Variants in TGM2 observed in about 807,000 individuals in gnomAD.
TGM2 encodes the protein transglutaminase 2.
In TGM2, 53 loss-of-function variants were observed where a neutral mutation model predicts 75.6. The observed-to-expected ratio is 0.70, with a 90% CI of 0.56 to 0.88. The LOEUF (loss-of-function observed/expected upper bound fraction) is 0.88, where lower values mean the gene tolerates loss of function less well. Ranked by LOEUF, TGM2 falls within the 40% of genes least tolerant of loss-of-function variation. The probability of loss-of-function intolerance (pLI) is 0.00; values close to 1 mark genes in which losing one functional copy is unlikely to be tolerated. For missense variants in TGM2, 842 were observed against 928.5 expected, an observed-to-expected ratio of 0.91 and a Z score of 1.21; for synonymous variants, 374 against 381.1, an observed-to-expected ratio of 0.98 and a Z score of 0.22.
At position 38,165,178 on chromosome 20, in the gene TGM2, C is replaced by G. The variant is rs375507296; in HGVS notation, c.10+11G>C. 3.7e-6 allele frequency: 6 copies of G among 1,613,380 alleles called. No homozygotes were observed. The highest frequency in any genetic ancestry group is 4.2e-6 in the Non-Finnish European group (5 of 1,179,898). ...CCCCTGAGTGGCGGCTGCGGTGACTCTGATACTCACCCTCGGCCATGGTCG... is the reference window on the plus strand; with the variant it reads ...CCCCTGAGTGGCGGCTGCGGTGACTGTGATACTCACCCTCGGCCATGGTCG... On this transcript the variant is annotated intron_variant, in intron 1 of 12. Transcript: ENST00000361475.
intron 4 of TGM2, among the ~76,000 whole-genome samples, chr20:38,149,414 A>T (rs2075086706): frequency 6.6e-6 from 1 of 152,166 alleles, no homozygotes; most frequent in African/African-American, 2.4e-5. Context: ...GCGGTGGCTC[A>T]CGCCTGTAAT....
upstream of TGM2, among the ~76,000 whole-genome samples, chr20:38,168,133 C>T (rs911166268): frequency 6.6e-6 from 1 of 152,346 alleles, no homozygotes. Context: ...GCTGCCCCCA[C>T]TTCCTCTCCC....
chr20:38,139,766 C>T, intron 8 of TGM2, 112 bp from the exon 9 acceptor site: 1 of 1,422,108 alleles, frequency 7.0e-7, no homozygotes, highest in Non-Finnish European at 9.5e-7. Context: ...ACCACGCGGC[C>T]CTCTGACGGA....
rs759541794 is a variant in TGM2, at chr20:38,130,387, G to T, written c.1914-18C>A. The T allele has an allele frequency of 5.7e-6, 9 of 1,575,220 alleles. No homozygotes were observed. The highest frequency in any genetic ancestry group is 4.6e-5 in the East Asian group (2 of 43,254). The stretch of plus-strand genomic sequence containing the variant: ...GGTCTGGGCTGCAGGGAGAGAGGGG[G>T]TGGTGAGGAAAGGGGCCCAAGGCCT... On this transcript the variant is annotated intron_variant, in intron 12 of 12. Coordinates refer to ENST00000361475, the MANE Select transcript of TGM2 (RefSeq NM_004613.4).
chr20:38,154,443 C>T (rs1232412828), intron 3 of TGM2, among the ~76,000 whole-genome samples: 2 of 152,138 alleles, frequency 1.3e-5, no homozygotes, highest in Non-Finnish European at 2.9e-5. Flanking sequence ...GACTGCCTTG[C>T]TAGTTAGATG....
chr20:38,159,068 G>A (rs2075222475), intron 2 of TGM2, among the ~76,000 whole-genome samples: 1 of 152,174 alleles, frequency 6.6e-6, no homozygotes, highest in Non-Finnish European at 1.5e-5. Context: ...GGTGGAGACT[G>A]GAGGACAGAG....
intron 6 of TGM2, among the ~76,000 whole-genome samples, chr20:38,145,118 G>A (rs568521999): frequency 1.3e-5 from 2 of 152,272 alleles, no homozygotes; most frequent in South Asian, 4.1e-4. Context: ...GAGGTCACGG[G>A]GAACAGGCAG....
Position 38,138,302 on chromosome 20 carries a change from G to A in TGM2, c.1426C>T (p.Arg476Trp), listed in dbSNP as rs774425047. The A allele has an allele frequency of 9.3e-6, 15 of 1,614,040 alleles. No homozygotes were observed. Among genetic ancestry groups the A allele is most frequent in the Middle Eastern group, 1.6e-4 (1 of 6,078 alleles). ...TTCATGCTCTGGCCCACACGGATCC[G>A]CATGGCCATCCCTGTCTCCTCCTTC... ...AEKEETGMAM[R>W]IRVGQSMNMG... The change falls in exon 10 of 13, where the codon CGG becomes TGG. Residue 476 changes from arginine to tryptophan, a missense_variant. Transcript: ENST00000361475.
chr20:38,132,482 C>T lies in TGM2; in HGVS notation c.1634G>A (p.Cys545Tyr), dbSNP rs1264433584. ...EPFSEKSVPL[C>Y]ILYEKYRDCL... ...GTCACGGTATTTCTCATAGAGGATGCAAAGAGGAACGCTCTTCTCTGCAGA... is the reference window on the plus strand; with the variant it reads ...GTCACGGTATTTCTCATAGAGGATGTAAAGAGGAACGCTCTTCTCTGCAGA... The change falls in exon 11 of 13, where the codon TGC becomes TAC. Residue 545 changes from cysteine (C) to tyrosine (Y), a missense_variant. Coordinates refer to ENST00000361475, the MANE Select transcript of TGM2 (RefSeq NM_004613.4). The T allele has an allele frequency of 1.2e-6, 2 of 1,614,120 alleles. No homozygotes were observed. Among genetic ancestry groups the T allele is most frequent in the Non-Finnish European group, 1.7e-6 (2 of 1,180,022 alleles).
At chr20:38,146,600 C>G (rs759033388) in intron 6 of TGM2, 117 bp downstream of exon 6, 2 of 1,221,000 alleles carry the variant, frequency 1.6e-6, no homozygotes, top group East Asian at 4.9e-5. Flanking sequence ...CCACATAGCG[C>G]ATTGAGAGTG....
Position 38,142,215 on chromosome 20 carries a change from G to A in TGM2, c.860-16C>T. On this transcript the variant is annotated splice_polypyrimidine_tract_variant and intron_variant, in intron 6 of 12. Coordinates refer to ENST00000361475, the MANE Select transcript of TGM2 (RefSeq NM_004613.4). ...CACCTCAGCACTGTTGGAGAGGAGTGGAAAGCGGGGTGAGGTCCTGGAGAC... is the reference window on the plus strand; with the variant it reads ...CACCTCAGCACTGTTGGAGAGGAGTAGAAAGCGGGGTGAGGTCCTGGAGAC... 1 of 1,614,030 alleles carries A rather than the reference G, an allele frequency of 6.2e-7. No individual in the cohort carries two copies. The highest frequency in any genetic ancestry group is 8.5e-7 in the Non-Finnish European group (1 of 1,179,950).
rs748091369 is a variant in TGM2, at chr20:38,142,114, G to A, written c.945C>T (p.Tyr315=). The A allele has an allele frequency of 1.2e-5, 19 of 1,614,162 alleles. No homozygotes were observed. The South Asian group carries it at 1.8e-4, about 15-fold the overall frequency. ...GGATCTCCCCAAACTCATTGCGGAA[G>A]TACTCGATGAGAAGGTTGCTGTTCT... is the stretch of plus-strand genomic sequence containing the variant. ...HDQNSNLLIE[Y]FRNEFGEIQG... Residue 315 remains tyrosine (Y), a synonymous_variant, in exon 7 of 13, where the codon TAC becomes TAT. Transcript: ENST00000361475.
Position 38,161,412 on chromosome 20 carries a change from G to A in TGM2, c.190+8C>T, listed in dbSNP as rs2075250548. The A allele has an allele frequency of 6.2e-7, 1 of 1,613,652 alleles. No homozygotes were observed. Among genetic ancestry groups the A allele is most frequent in the Non-Finnish European group, 8.5e-7 (1 of 1,179,826 alleles). ...TGGTGGTGGTGGAGTGGGGTTGCAG[G>A]TACTCACCGGTCACGACACTGAAGG... On this transcript the variant is annotated splice_region_variant and intron_variant, in intron 2 of 12. Transcript: ENST00000361475.
intron 2 of TGM2, among the ~76,000 whole-genome samples, chr20:38,158,893 T>G (rs1314026430): frequency 2.0e-5 from 3 of 152,172 alleles, no homozygotes. Context: ...GAGGGCCTGG[T>G]TTCCTGGTAT....
Position 38,142,245 on chromosome 20 carries a change from G to A in TGM2, c.860-46C>T, listed in dbSNP as rs1470039648. 13 of 1,610,582 alleles carry A rather than the reference G, an allele frequency of 8.1e-6. 1 individual carries two copies. Among genetic ancestry groups the A allele is most frequent in the South Asian group, 5.5e-5 (5 of 91,026 alleles). ...GCGGGGTGAGGTCCTGGAGACATCC[G>A]CCCTGCTCTGGGCCTCCACCTGCCC... On this transcript the variant is annotated intron_variant, in intron 6 of 12. Transcript: ENST00000361475.
chr20:38,153,810 C>A (rs1412530209), intron 3 of TGM2, among the ~76,000 whole-genome samples: 1 of 152,044 alleles, frequency 6.6e-6, no homozygotes, highest in Admixed American at 6.6e-5. Flanking sequence ...AGTCTTGAAG[C>A]CCTCCCCTTC....
chr20:38,137,818 C>T (rs189389732), intron 10 of TGM2: 2 of 484,830 alleles, frequency 4.1e-6, no homozygotes, highest in Non-Finnish European at 7.2e-6. Context: ...AACAGTATAG[C>T]TGCTGTGAGG....
In TGM2 at chr20:38,155,912, G is replaced by A; in HGVS notation, c.368C>T (p.Thr123Ile). The change falls in exon 3 of 13, where the codon ACT (threonine) becomes ATT (isoleucine). Residue 123 changes from threonine (T) to isoleucine (I), a missense_variant. Transcript: ENST00000361475. ...CACAAAGCTGGATCCCTGGTAGCCA[G>A]TGGAGGCCTCCAGGCTGAGGCGATA... ...GLYRLSLEAS[T>I]GYQGSSFVLG... is the part of the protein sequence containing the mutation. The A allele has an allele frequency of 6.2e-7, 1 of 1,609,084 alleles. No homozygotes were observed. The highest frequency in any genetic ancestry group is 1.1e-5 in the South Asian group (1 of 89,822).
rs781479212 is a variant in TGM2, at chr20:38,139,585, G to A, written c.1169C>T (p.Ala390Val). 60 of 1,614,070 alleles carry A rather than the reference G, an allele frequency of 3.7e-5. No homozygotes were observed. Among genetic ancestry groups the A allele is most frequent in the Non-Finnish European group, 4.7e-5 (55 of 1,180,050 alleles). Residue 390 changes from alanine (A) to valine (V), a missense_variant, in exon 9 of 13, where the codon GCG becomes GTG. By Grantham distance (64) the Ala-to-Val change is moderately conservative (BLOSUM62 0). Transcript: ENST00000361475. ...ATTGACCTCCGCAAAGACAAAGGGC[G>A]CATCGTACTTGGTGCTCAGGTCGCC... ...KEGDLSTKYD[A>V]PFVFAEVNAD... is the part of the protein sequence containing the mutation.
Sources: gnomAD v4.1 joint callset for allele counts (sites outside exome capture counted in the v4.1 genomes callset) on GRCh38, gnomAD v4.1.1 for gene constraint, MANE v1.5 for transcripts, NCBI Gene and HGNC (gene_info 2026-07-23, HGNC 2026-07-21) for gene names.